Variants in TLE4 observed in about 807,000 individuals in gnomAD.
The protein encoded by TLE4 is transducin-like enhancer protein 4.
In TLE4, 8 loss-of-function variants were observed where a neutral mutation model predicts 92.8. That is an observed-to-expected ratio of 0.09 (90% confidence interval 0.05 to 0.16). The LOEUF is 0.16. Ranked by LOEUF, TLE4 falls within the 10% of genes least tolerant of loss-of-function variation. TLE4 has a pLI of 1.00. For synonymous variants in TLE4, 371 were observed against 374.1 expected (o/e 0.99, Z 0.10); for missense variants, 675 against 997.6 (o/e 0.68, Z 4.36).
chr9:79,722,714 A>G (rs2075832005), intron 18 of TLE4, 113 bp downstream of exon 18: 1 of 1,314,804 alleles, frequency 7.6e-7, no homozygotes, highest in Non-Finnish European at 1.0e-6. Flanking sequence ...CCTCTTCAGA[A>G]TTCTATTACT....
chr9:79,598,840 C>T (rs1015157125), intron 4 of TLE4, among the ~76,000 whole-genome samples: 1 of 151,406 alleles, frequency 6.6e-6, no homozygotes, highest in Non-Finnish European at 1.5e-5. Context: ...ATTTGATCTT[C>T]CCCCCCCAGA....
intron 16 of TLE4, 40 bp downstream of exon 16, chr9:79,720,333 C>A (rs772400917): frequency 5.7e-6 from 9 of 1,576,272 alleles, no homozygotes; most frequent in Admixed American, 3.4e-5. Flanking sequence ...TGAGGAGGAG[C>A]CGATTTTACC....
chr9:79,659,243 G>T (rs937369448), intron 8 of TLE4, among the ~76,000 whole-genome samples: 1 of 152,174 alleles, frequency 6.6e-6, no homozygotes, highest in African/African-American at 2.4e-5. Context: ...ATACTACAAA[G>T]TACAAAGAAC....
At chr9:79,660,483 T>G (rs2060371285) in intron 8 of TLE4, among the ~76,000 whole-genome samples, 1 of 152,248 alleles carries the variant, frequency 6.6e-6, no homozygotes, top group African/African-American at 2.4e-5. Context: ...TATAACTCTT[T>G]CAATTTCCCA....
chr9:79,606,847 G>T (rs1175693689), intron 4 of TLE4, among the ~76,000 whole-genome samples: 1 of 152,152 alleles, frequency 6.6e-6, no homozygotes, highest in South Asian at 2.1e-4. Context: ...ATGTGTGCAT[G>T]TGTCTTTATA....
In TLE4 at chr9:79,589,541, G is replaced by A. The variant is rs1251313563; in HGVS notation, c.252+13364G>A. Among the ~76,000 whole-genome samples the A allele has an allele frequency of 3.3e-5, 5 of 151,902 alleles. No homozygotes were observed. In the South Asian group the frequency reaches 6.2e-4, roughly 19 times the overall value. The stretch of plus-strand genomic sequence containing the variant: ...CAGATCTTTGTGGTGCTACTACTGC[G>A]CAAGGCAGAAGACATTTTCAGTGGA... On this transcript the variant is annotated intron_variant, in intron 4 of 19. Transcript: ENST00000376552.
At chr9:79,645,340 C>T (rs114094800) in intron 6 of TLE4, among the ~76,000 whole-genome samples, 116 of 152,232 alleles carry the variant, frequency 7.6e-4, no homozygotes, top group African/African-American at 2.6e-3. Flanking sequence ...CTGTTGATAG[C>T]GTAGTAGAGT....
In TLE4 at chr9:79,708,288, C is replaced by T. The variant is rs759148330; in HGVS notation, c.1069+38C>T. On this transcript the variant is annotated intron_variant, in intron 12 of 19. Coordinates refer to ENST00000376552, the MANE Select transcript of TLE4 (RefSeq NM_007005.6). ...AAAGTTTTTTCTATATTTTTATGCTCGTTTTTAAGAATTTAAAGCAATTTA... is the reference window on the plus strand; with the variant it reads ...AAAGTTTTTTCTATATTTTTATGCTTGTTTTTAAGAATTTAAAGCAATTTA... 44 of 1,604,178 alleles carry T rather than the reference C, an allele frequency of 2.7e-5. No homozygotes were observed. In the South Asian group the frequency reaches 3.5e-4, roughly 13 times the overall value.
intron 6 of TLE4, among the ~76,000 whole-genome samples, chr9:79,639,415 T>C (rs1214739582): frequency 6.6e-6 from 1 of 152,186 alleles, no homozygotes; most frequent in East Asian, 1.9e-4. Context: ...AAATATTTTA[T>C]TGCCTAGTGA....
chr9:79,689,650 T>C (rs1430776448), intron 8 of TLE4, among the ~76,000 whole-genome samples: 2 of 152,212 alleles, frequency 1.3e-5, no homozygotes, highest in African/African-American at 4.8e-5. Flanking sequence ...AACTGTGGTT[T>C]TGAAATGTAG....
At chr9:79,598,439 G>A (rs142481579) in intron 4 of TLE4, among the ~76,000 whole-genome samples, 235 of 152,214 alleles carry the variant, frequency 1.5e-3, no homozygotes, top group Non-Finnish European at 2.8e-3. Flanking sequence ...TGGTATGGCA[G>A]GCTTTGCTGG....
At chr9:79,577,214 A>G (rs1424486610) in intron 4 of TLE4, among the ~76,000 whole-genome samples, 1 of 152,134 alleles carries the variant, frequency 6.6e-6, no homozygotes. Context: ...AGCACATACT[A>G]TTAGGCCTTC....
intron 4 of TLE4, among the ~76,000 whole-genome samples, chr9:79,583,843 T>C (rs1437809094): frequency 6.6e-6 from 1 of 152,224 alleles, no homozygotes; most frequent in Non-Finnish European, 1.5e-5. Context: ...ATGTTCTCTT[T>C]AATGTTCCTT....
At chr9:79,584,542 T>G (rs1318660998) in intron 4 of TLE4, among the ~76,000 whole-genome samples, 1 of 152,182 alleles carries the variant, frequency 6.6e-6, no homozygotes, top group Non-Finnish European at 1.5e-5. Flanking sequence ...AACAGGAGCT[T>G]TTATTGTTTA....
chr9:79,605,597 G>C (rs149789489), intron 4 of TLE4, among the ~76,000 whole-genome samples: 1 of 151,976 alleles, frequency 6.6e-6, no homozygotes, highest in African/African-American at 2.4e-5. Context: ...TTTAACCATT[G>C]TAAAAATGCT....
At position 79,573,719 on chromosome 9, in the gene TLE4, T is replaced by C; in HGVS notation, c.76T>C (p.Phe26Leu). 1 of 1,607,736 alleles carries C rather than the reference T, an allele frequency of 6.2e-7. No homozygotes were observed. Among genetic ancestry groups the C allele is most frequent in the Non-Finnish European group, 8.5e-7 (1 of 1,175,274 alleles). Residue 26 changes from phenylalanine (F) to leucine (L), a missense_variant, in exon 2 of 20, where the codon TTT becomes CTT. Around this residue, in one of 5 missense-constraint regions of TLE4, gnomAD observed 38 missense variants for 33.5 expected, o/e 1.14. Transcript: ENST00000376552. ...APHQPAQPFKFTISESCDRIK... is the reference protein window; with the variant it reads ...APHQPAQPFKLTISESCDRIK... Reference sequence around the variant, plus strand: ...GCATCAGCCTGCTCAACCCTTTAAATTTACAATTTCCGAATCCTGTGATCG... The same window carrying C: ...GCATCAGCCTGCTCAACCCTTTAAACTTACAATTTCCGAATCCTGTGATCG...
intron 8 of TLE4, among the ~76,000 whole-genome samples, chr9:79,658,811 G>C (rs553416800): frequency 6.6e-6 from 1 of 152,262 alleles, no homozygotes; most frequent in East Asian, 1.9e-4. Flanking sequence ...TAATAGAAAG[G>C]TAGATTAAAA....
intron 8 of TLE4, among the ~76,000 whole-genome samples, chr9:79,673,399 AT>A (rs1471023659): frequency 1.3e-5 from 2 of 152,214 alleles, no homozygotes; most frequent in Non-Finnish European, 2.9e-5. Context: ...ACCCAATTCC[AT>A]TAAGGCAAAA....
At chr9:79,703,740 T>C (rs564943162) in intron 8 of TLE4, among the ~76,000 whole-genome samples, 1 of 152,296 alleles carries the variant, frequency 6.6e-6, no homozygotes, top group Admixed American at 6.5e-5. Context: ...TTCCAGACAT[T>C]GAAAGGTGTG....
Sources: allele counts gnomAD v4.1 joint callset (sites outside exome capture counted in the v4.1 genomes callset), GRCh38; gene constraint gnomAD v4.1.1; regional missense constraint gnomAD v4.1.1; transcripts MANE v1.5; gene names NCBI Gene and HGNC (gene_info 2026-07-23, HGNC 2026-07-21).